Variants in CDC25A observed in about 807,000 individuals in gnomAD.
CDC25A encodes cell division cycle 25A, also known as M-phase inducer phosphatase 1.
In CDC25A, 17 loss-of-function variants were observed where a neutral mutation model predicts 64.6. That is an observed-to-expected ratio of 0.26 (90% CI 0.18 to 0.39). CDC25A has a LOEUF of 0.39. Ranked by LOEUF, CDC25A falls within the 10% of genes least tolerant of loss-of-function variation. The pLI is 1.00. For synonymous variants in CDC25A, 229 were observed against 238.6 expected, an observed-to-expected ratio of 0.96 and a Z score of 0.37; for missense variants, 473 against 654.8, an observed-to-expected ratio of 0.72 and a Z score of 3.03.
intron 5 of CDC25A, among the ~76,000 whole-genome samples, chr3:48,181,285 GAA>G (rs58985893): frequency 2.3e-5 from 3 of 131,000 alleles, no homozygotes; most frequent in South Asian, 2.4e-4. Flanking sequence ...TAAAAGCAAT[GAA>G]AAAAAAAAAA....
rs748755934 is a variant in CDC25A, at chr3:48,184,703, GA to G, written c.248-9del. On this transcript the variant is annotated splice_polypyrimidine_tract_variant and intron_variant, in intron 2 of 14. Transcript: ENST00000302506. ...GAGAATCTAGACAGAAACCTATGGG[GA>G]AAAAAAAAACCTCTCAAGAAATAAT... 1,500 of 1,445,494 alleles carry G rather than the reference GA, an allele frequency of 1.0e-3. 1 individual carries two copies. Among genetic ancestry groups the G allele is most frequent in the Middle Eastern group, 2.4e-3 (13 of 5,386 alleles). The allele number at this position is 1,445,494 out of a possible 1,614,324, so 89.5% of individuals were successfully genotyped here.
In CDC25A at chr3:48,162,299, A is replaced by T. The variant is rs200512775; in HGVS notation, c.1322+2008T>A. Among the ~76,000 whole-genome samples, 555 of 101,046 alleles carry T rather than the reference A, an allele frequency of 5.5e-3. 1 individual carries two copies. Among genetic ancestry groups the T allele is most frequent in the African/African-American group, 0.016 (379 of 24,420 alleles). The allele number at this position is 101,046 out of a possible 152,430, so 66.3% of individuals were successfully genotyped here. ...GTGTGTGTGTGTGTGTGTGTGTGTG[A>T]GAGAGAGACAGAATCTCACTCTGTC... is the stretch of plus-strand genomic sequence containing the variant. On this transcript the variant is annotated intron_variant, in intron 13 of 14. Transcript: ENST00000302506.
chr3:48,179,425 A>G (rs1161918452), intron 6 of CDC25A, among the ~76,000 whole-genome samples: 2 of 152,204 alleles, frequency 1.3e-5, no homozygotes, highest in African/African-American at 4.8e-5. Context: ...GCTGGAGTAC[A>G]GTGGTCTGAT....
At chr3:48,162,125 C>G (rs1441941794) in intron 13 of CDC25A, among the ~76,000 whole-genome samples, 1 of 152,120 alleles carries the variant, frequency 6.6e-6, no homozygotes, top group East Asian at 1.9e-4. Flanking sequence ...CCTTTGGAGA[C>G]AGATGTTTGA....
At chr3:48,183,346 C>T (rs2032733303) in intron 4 of CDC25A, among the ~76,000 whole-genome samples, 2 of 152,188 alleles carry the variant, frequency 1.3e-5, no homozygotes, top group Admixed American at 6.5e-5. Flanking sequence ...TTTAATAAAG[C>T]TCTGTTAGAG....
At position 48,167,964 on chromosome 3, in the gene CDC25A, G is replaced by C. The variant is rs749067218; in HGVS notation, c.931-20C>G. The stretch of plus-strand genomic sequence containing the variant: ...AAGAGTCTGTAACAAATCAAAGGTA[G>C]AGAATGAGACAAGGGTTCTGAATGG... On this transcript the variant is annotated intron_variant, in intron 9 of 14. Coordinates refer to ENST00000302506, the MANE Select transcript of CDC25A (RefSeq NM_001789.3). 3 of 1,423,030 alleles carry C rather than the reference G, an allele frequency of 2.1e-6. No homozygotes were observed. The East Asian group carries it at 6.8e-5, about 32-fold the overall frequency. 88.2% of individuals were successfully genotyped at this position (1,423,030 alleles called of 1,614,324 possible).
In CDC25A at chr3:48,172,918, T is replaced by C. The variant is rs188685723; in HGVS notation, c.930+1366A>G. The stretch of plus-strand genomic sequence containing the variant: ...ACTATGAGCAATGCAATGAATTAAC[T>C]TGAAGAATTAGACAGACAGGGCTGG... On this transcript the variant is annotated intron_variant, in intron 9 of 14. Transcript: ENST00000302506. 4.0e-5 allele frequency among the ~76,000 whole-genome samples: 6 copies of C among 151,868 alleles called. No individual in the cohort carries two copies. In the East Asian group the frequency reaches 1.2e-3, roughly 30 times the overall value.
At position 48,174,299 on chromosome 3, in the gene CDC25A, T is replaced by C. The variant is rs1250592432; in HGVS notation, c.915A>G (p.Pro305=). 6.2e-7 allele frequency: 1 copy of C among 1,613,104 alleles called. No homozygotes were observed. The highest frequency in any genetic ancestry group is 8.5e-7 in the Non-Finnish European group (1 of 1,179,724). Residue 305 remains proline (P), a synonymous_variant, in exon 9 of 15, where the codon CCA becomes CCG. Transcript: ENST00000302506. ...SGASPKESTN[P]EKAHETLHQS... is the part of the protein sequence containing the mutation. ...GGAAACTAACCTCATGGGCCTTCTC[T>C]GGATTAGTTGACTCTTTGGGGCTGG...
chr3:48,173,778 A>C (rs1040930097), intron 9 of CDC25A, among the ~76,000 whole-genome samples: 2 of 152,160 alleles, frequency 1.3e-5, no homozygotes, highest in Admixed American at 6.6e-5. Context: ...ATTTACATAG[A>C]CCGGAGACTC....
intron 2 of CDC25A, among the ~76,000 whole-genome samples, chr3:48,185,364 C>G (rs562036007): frequency 6.6e-6 from 1 of 150,622 alleles, no homozygotes; most frequent in Non-Finnish European, 1.5e-5. Context: ...TACAGTGAAC[C>G]CTGATTGTGC....
intron 3 of CDC25A, among the ~76,000 whole-genome samples, chr3:48,184,338 G>A (rs747667307): frequency 3.3e-5 from 5 of 152,070 alleles, no homozygotes; most frequent in Admixed American, 2.0e-4. Context: ...GCGGCAGAGT[G>A]AGACTCTGCC....
chr3:48,174,467 A>G lies in CDC25A; in HGVS notation c.757-10T>C. On this transcript the variant is annotated splice_polypyrimidine_tract_variant and intron_variant, in intron 8 of 14. Transcript: ENST00000302506. ...GCTTGCATCGGTTGTCCTTACAGGA[A>G]AAAAAACAGACAGACCCATCTTTCA... The G allele has an allele frequency of 1.2e-6, 2 of 1,600,206 alleles. No individual in the cohort carries two copies. The highest frequency in any genetic ancestry group is 1.7e-6 in the Non-Finnish European group (2 of 1,175,984).
intron 9 of CDC25A, among the ~76,000 whole-genome samples, chr3:48,169,492 TG>T (rs1394365444): frequency 3.3e-5 from 5 of 152,200 alleles, no homozygotes; most frequent in Non-Finnish European, 7.3e-5. Flanking sequence ...CACAGGACTG[TG>T]GGAACCTTTG....
intron 13 of CDC25A, among the ~76,000 whole-genome samples, chr3:48,161,597 T>C (rs1231027151): frequency 6.6e-6 from 1 of 152,010 alleles, no homozygotes; most frequent in Non-Finnish European, 1.5e-5. Flanking sequence ...TGGTCCTAGC[T>C]TCCTGGGAGG....
intron 2 of CDC25A, 149 bp from the exon 3 acceptor site, chr3:48,184,844 G>A (rs538455846): frequency 6.6e-6 from 4 of 606,700 alleles, no homozygotes; most frequent in East Asian, 5.9e-5. Flanking sequence ...TTGATGTTAC[G>A]TCTATTAGAT....
At chr3:48,164,782 A>C (rs1193854312) in intron 12 of CDC25A, among the ~76,000 whole-genome samples, 1 of 152,250 alleles carries the variant, frequency 6.6e-6, no homozygotes, top group Non-Finnish European at 1.5e-5. Flanking sequence ...GTACCTCCTT[A>C]CTATATTTAA....
chr3:48,159,365 C>G lies in CDC25A; in HGVS notation c.1413G>C (p.Lys471Asn). 1 of 1,613,130 alleles carries G rather than the reference C, an allele frequency of 6.2e-7. No individual in the cohort carries two copies. Among genetic ancestry groups the G allele is most frequent in the East Asian group, 2.2e-5 (1 of 44,874 alleles). ...PELYVLKGGYKEFFMKCQSYC... is the reference protein window; with the variant it reads ...PELYVLKGGYNEFFMKCQSYC... ...TTACCTGGCATTTCATAAAGAACTCCTTGTATCCCCCCTTCAGGACATACA... is the reference window on the plus strand; with the variant it reads ...TTACCTGGCATTTCATAAAGAACTCGTTGTATCCCCCCTTCAGGACATACA... Residue 471 changes from lysine (K) to asparagine (N), a missense_variant, in exon 14 of 15, where the codon AAG becomes AAC. Around this residue, in one of 2 missense-constraint regions of CDC25A, gnomAD observed 97 missense variants for 223.0 expected, o/e 0.43. Coordinates refer to ENST00000302506, the MANE Select transcript of CDC25A (RefSeq NM_001789.3).
At chr3:48,166,582 A>G (rs893897508) in intron 10 of CDC25A, among the ~76,000 whole-genome samples, 1 of 152,234 alleles carries the variant, frequency 6.6e-6, no homozygotes, top group African/African-American at 2.4e-5. Context: ...TATGTCCAGC[A>G]TGGTGCCAGG....
chr3:48,164,536 A>T (rs2031921714), intron 12 of CDC25A, 99 bp from the exon 13 acceptor site: 3 of 1,171,596 alleles, frequency 2.6e-6, no homozygotes, highest in Non-Finnish European at 3.4e-6. Flanking sequence ...CTTTAAGTCC[A>T]CAAGACCAGT....
Sources: gnomAD v4.1 joint callset for allele counts (sites outside exome capture counted in the v4.1 genomes callset) on GRCh38, gnomAD v4.1.1 for gene constraint, gnomAD v4.1.1 regional missense constraint, MANE v1.5 for transcripts, NCBI Gene and HGNC (gene_info 2026-07-23, HGNC 2026-07-21) for gene names.